VCAN: variants seen among roughly 807,000 people sequenced by gnomAD.
The protein encoded by VCAN is versican.
A neutral mutation model predicts 245.5 loss-of-function variants in VCAN; 44 were observed. That is an observed-to-expected ratio of 0.18 (90% CI 0.14 to 0.23). The LOEUF is 0.23. VCAN is among the 10% of genes least tolerant of loss of function. The pLI, the probability that VCAN is intolerant of heterozygous loss-of-function variation, is 1.00. For synonymous variants in VCAN, 1,413 were observed against 1,437.0 expected, an observed-to-expected ratio of 0.98 and a Z score of 0.38; for missense variants, 3,793 against 4,057.9, an observed-to-expected ratio of 0.93 and a Z score of 1.77.
Position 83,555,225 on chromosome 5 carries a change from C to G in VCAN, c.9735+187C>G, listed in dbSNP as rs1242267383. ...CTGATCCAACATCCAGTCCTCTCTT[C>G]AATAGTTGTGGTTCTCTTCAAAAGA... On this transcript the variant is annotated intron_variant, in intron 12 of 14. Coordinates refer to ENST00000265077, the MANE Select transcript of VCAN (RefSeq NM_004385.5). Among the ~76,000 whole-genome samples the G allele has an allele frequency of 2.6e-5, 4 of 152,162 alleles. No homozygotes were observed. The East Asian group carries it at 7.7e-4, about 29-fold the overall frequency.
At position 83,520,462 on chromosome 5, in the gene VCAN, A is replaced by G. The variant is rs757597405; in HGVS notation, c.2156A>G (p.Glu719Gly). 1.2e-6 allele frequency: 2 copies of G among 1,613,950 alleles called. No homozygotes were observed. Among genetic ancestry groups the G allele is most frequent in the East Asian group, 2.2e-5 (1 of 44,866 alleles). Residue 719 changes from glutamate (E) to glycine (G), a missense_variant, in exon 7 of 15, where the codon GAA (glutamate) becomes GGA (glycine). Coordinates refer to ENST00000265077, the MANE Select transcript of VCAN (RefSeq NM_004385.5). ...CCATTTATGGGAAAAACAGAAGAAG[A>G]AGTCTTCTCTGGGATGAAACTCTCT... ...KSPFMGKTEEEVFSGMKLSTS... is the reference protein window; with the variant it reads ...KSPFMGKTEEGVFSGMKLSTS...
At chr5:83,473,626 G>A (rs1204802999) in intron 1 of VCAN, among the ~76,000 whole-genome samples, 1 of 152,214 alleles carries the variant, frequency 6.6e-6, no homozygotes, top group Non-Finnish European at 1.5e-5. Flanking sequence ...AGGAGCGAGG[G>A]AGGCGGTGCG....
intron 6 of VCAN, chr5:83,512,931 G>A (rs895147855): frequency 1.3e-5 from 2 of 153,580 alleles, no homozygotes; most frequent in African/African-American, 2.4e-5. Flanking sequence ...TTTATGTCAA[G>A]TAATGGAAAT....
chr5:83,479,392 C>T (rs1225379826), intron 1 of VCAN, among the ~76,000 whole-genome samples: 3 of 152,138 alleles, frequency 2.0e-5, no homozygotes, highest in Non-Finnish European at 4.4e-5. Context: ...TCCCTGCAGA[C>T]ATTTCTCATG....
In VCAN at chr5:83,490,290, A is replaced by G. The variant is rs764894683; in HGVS notation, c.263A>G (p.Asn88Ser). ...GAGACTACTGTCCTTGTGGCCCAAA[A>G]TGGAAATATCAAGATTGGTCAGGAC... ...LKETTVLVAQ[N>S]GNIKIGQDYK... is the part of the protein sequence containing the mutation. The change falls in exon 3 of 15, where the codon AAT (asparagine) becomes AGT (serine). Residue 88 changes from asparagine to serine, a missense_variant. Physicochemically the swap from Asn to Ser is conservative, Grantham distance 46. Coordinates refer to ENST00000265077, the MANE Select transcript of VCAN (RefSeq NM_004385.5). 1 of 1,614,194 alleles carries G rather than the reference A, an allele frequency of 6.2e-7. No homozygotes were observed. Among genetic ancestry groups the G allele is most frequent in the Admixed American group, 1.7e-5 (1 of 60,026 alleles).
At chr5:83,488,297 G>A (rs1744856004) in intron 2 of VCAN, among the ~76,000 whole-genome samples, 1 of 152,184 alleles carries the variant, frequency 6.6e-6, no homozygotes, top group Non-Finnish European at 1.5e-5. Context: ...AAATATTTCA[G>A]TTCAGATAGT....
chr5:83,504,530 C>T (rs1401583772), intron 5 of VCAN, among the ~76,000 whole-genome samples: 1 of 151,996 alleles, frequency 6.6e-6, no homozygotes, highest in African/African-American at 2.4e-5. Flanking sequence ...TACAGGCATG[C>T]ACCACCATGC....
intron 1 of VCAN, among the ~76,000 whole-genome samples, chr5:83,481,415 A>T (rs1334919973): frequency 1.3e-5 from 2 of 152,132 alleles, no homozygotes; most frequent in African/African-American, 4.8e-5. Flanking sequence ...ATAAAATACA[A>T]TCTTTTACTT....
intron 13 of VCAN, among the ~76,000 whole-genome samples, 188 bp from the exon 14 acceptor site, chr5:83,579,792 A>T (rs1484907024): frequency 2.6e-5 from 4 of 152,192 alleles, no homozygotes; most frequent in Non-Finnish European, 5.9e-5. Context: ...ATAATCTGAG[A>T]TTCAAAGTAG....
At chr5:83,536,889 T>C in intron 7 of VCAN, 118 bp from the exon 8 acceptor site, 1 of 821,976 alleles carries the variant, frequency 1.2e-6, no homozygotes, top group Non-Finnish European at 1.9e-6. Flanking sequence ...GCACTTATTA[T>C]GAAAAGATTT....
intron 7 of VCAN, among the ~76,000 whole-genome samples, chr5:83,525,474 A>T (rs1746258637): frequency 6.6e-6 from 1 of 152,208 alleles, no homozygotes; most frequent in Non-Finnish European, 1.5e-5. Flanking sequence ...GAATGTTTTT[A>T]AAAACTGACA....
At chr5:83,568,766 C>T (rs991671039) in intron 12 of VCAN, among the ~76,000 whole-genome samples, 5 of 152,102 alleles carry the variant, frequency 3.3e-5, no homozygotes, top group African/African-American at 1.2e-4. Flanking sequence ...ATAATGCTCA[C>T]TCTAGAGAAC....
chr5:83,557,736 T>C (rs1747727473), intron 12 of VCAN, among the ~76,000 whole-genome samples: 1 of 152,160 alleles, frequency 6.6e-6, no homozygotes, highest in South Asian at 2.1e-4. Context: ...GAAATTTTGC[T>C]CTGAAACTTC....
chr5:83,556,265 A>G (rs919868389), intron 12 of VCAN, among the ~76,000 whole-genome samples: 2 of 152,216 alleles, frequency 1.3e-5, no homozygotes, highest in Non-Finnish European at 2.9e-5. Flanking sequence ...CTGGAATCAC[A>G]AAGCTGTTAA....
chr5:83,506,321 T>A (rs974511048), intron 5 of VCAN, among the ~76,000 whole-genome samples: 2 of 152,232 alleles, frequency 1.3e-5, no homozygotes, highest in African/African-American at 4.8e-5. Flanking sequence ...CCAAGTCACC[T>A]CTTGAATGCT....
At chr5:83,567,298 TTTTG>T (rs1046927322) in intron 12 of VCAN, among the ~76,000 whole-genome samples, 3 of 151,978 alleles carry the variant, frequency 2.0e-5, no homozygotes, top group South Asian at 2.1e-4. Flanking sequence ...CTATTTGCGT[TTTTG>T]TTTGTTTGTT....
chr5:83,519,755 A>C lies in VCAN; in HGVS notation c.1449A>C (p.Thr483=), dbSNP rs778735392. The change falls in exon 7 of 15, where the codon ACA becomes ACC. Residue 483 remains threonine, a synonymous_variant. Coordinates refer to ENST00000265077, the MANE Select transcript of VCAN (RefSeq NM_004385.5). The stretch of plus-strand genomic sequence containing the variant: ...ATGGTGTCGTGGAAGATAAACAAAC[A>C]CAAGAATCGGTTACACAGATTGAAC... ...SWDGVVEDKQ[T]QESVTQIEQI... The C allele has an allele frequency of 1.9e-6, 3 of 1,614,148 alleles. No homozygotes were observed. The highest frequency in any genetic ancestry group is 1.3e-5 in the African/African-American group (1 of 75,044).
intron 6 of VCAN, among the ~76,000 whole-genome samples, chr5:83,518,236 A>ATTT (rs5869182): frequency 1.2e-4 from 18 of 151,920 alleles, no homozygotes; most frequent in East Asian, 1.9e-4. Context: ...AAAAATACTG[A>ATTT]TTTTTATTTT....
intron 6 of VCAN, among the ~76,000 whole-genome samples, chr5:83,515,571 AAC>A (rs142715410): frequency 0.052 from 7,941 of 152,238 alleles, 651 homozygotes; most frequent in African/African-American, 0.18. Context: ...CTCCAACTGA[AAC>A]AGTTTTCTTG....
Sources: allele counts gnomAD v4.1 joint callset (sites outside exome capture counted in the v4.1 genomes callset), GRCh38; gene constraint gnomAD v4.1.1; transcripts MANE v1.5; gene names NCBI Gene and HGNC (gene_info 2026-07-23, HGNC 2026-07-21).